MMP16: variants seen among roughly 807,000 people sequenced by gnomAD.
MMP16 encodes the protein matrix metalloproteinase-16.
A neutral mutation model predicts 67.8 loss-of-function variants in MMP16; 12 were observed. The observed-to-expected ratio is 0.18, with a 90% confidence interval of 0.11 to 0.29. MMP16 has a LOEUF of 0.29. MMP16 is among the 10% of genes least tolerant of loss of function. The pLI is 1.00. For synonymous variants in MMP16, 249 were observed against 255.9 expected, an observed-to-expected ratio of 0.97 and a Z score of 0.26; for missense variants, 475 against 765.7, an observed-to-expected ratio of 0.62 and a Z score of 4.48.
At chr8:88,266,046 C>T (rs1810471913) in intron 1 of MMP16, among the ~76,000 whole-genome samples, 1 of 152,202 alleles carries the variant, frequency 6.6e-6, no homozygotes, top group Non-Finnish European at 1.5e-5. Context: ...ACACCACTGG[C>T]ATTCTGCAAG....
At chr8:88,143,487 T>C (rs1808244811) in intron 4 of MMP16, among the ~76,000 whole-genome samples, 1 of 152,126 alleles carries the variant, frequency 6.6e-6, no homozygotes, top group African/African-American at 2.4e-5. Flanking sequence ...ATCTATTCTG[T>C]CTAAAAGTTT....
chr8:88,259,705 T>G (rs1810357647), intron 1 of MMP16, among the ~76,000 whole-genome samples: 1 of 152,182 alleles, frequency 6.6e-6, no homozygotes. Context: ...AACGGAACAC[T>G]GATTCCATTA....
rs567910253 is a variant in MMP16, at chr8:88,111,265, T to C, written c.1083+5242A>G. 1.8e-4 allele frequency among the ~76,000 whole-genome samples: 27 copies of C among 151,866 alleles called. 1 individual carries two copies. In the South Asian group the frequency reaches 5.4e-3, roughly 30 times the overall value. ...TGCCAAAATATATATAATCCATAGT[T>C]AACGTTTTTGAAATTCTACACATAT... On this transcript the variant is annotated intron_variant, in intron 6 of 9. Transcript: ENST00000286614.
At chr8:88,150,887 TA>T (rs1468944745) in intron 4 of MMP16, among the ~76,000 whole-genome samples, 2 of 142,818 alleles carry the variant, frequency 1.4e-5, no homozygotes, top group Non-Finnish European at 3.1e-5. Flanking sequence ...GTAAATGGAC[TA>T]AATGCTCCAA....
At chr8:88,288,596 A>G (rs1371359329) in intron 1 of MMP16, among the ~76,000 whole-genome samples, 1 of 152,212 alleles carries the variant, frequency 6.6e-6, no homozygotes, top group African/African-American at 2.4e-5. Context: ...AACAGTAAAG[A>G]GTCCATTTTT....
At chr8:88,125,128 T>C (rs1807905327) in intron 4 of MMP16, among the ~76,000 whole-genome samples, 1 of 151,388 alleles carries the variant, frequency 6.6e-6, no homozygotes, top group East Asian at 2.0e-4. Flanking sequence ...ATTTGGCTGC[T>C]CAAAGAGCTT....
Position 88,149,133 on chromosome 8 carries a change from G to A in MMP16, c.709+18536C>T, listed in dbSNP as rs1007092118. On this transcript the variant is annotated intron_variant, in intron 4 of 9. Coordinates refer to ENST00000286614, the MANE Select transcript of MMP16 (RefSeq NM_005941.5). ...CTGGAAAATCGGGTCACTCCCACCC[G>A]AATATTGCGCTTTTCAGACGGGCTT... Among the ~76,000 whole-genome samples, 6 of 152,158 alleles carry A rather than the reference G, an allele frequency of 3.9e-5. No homozygotes were observed. In the South Asian group the frequency reaches 6.2e-4, roughly 16 times the overall value.
chr8:88,208,647 G>A (rs1300370926), intron 1 of MMP16, among the ~76,000 whole-genome samples: 1 of 152,060 alleles, frequency 6.6e-6, no homozygotes, highest in Non-Finnish European at 1.5e-5. Flanking sequence ...AATCATGAGA[G>A]TCTAGAAGAA....
chr8:88,285,965 T>C (rs1810824016), intron 1 of MMP16, among the ~76,000 whole-genome samples: 1 of 152,166 alleles, frequency 6.6e-6, no homozygotes, highest in Non-Finnish European at 1.5e-5. Flanking sequence ...TCATATCCCA[T>C]GGTACTTTCT....
chr8:88,142,072 T>A (rs1808220751), intron 4 of MMP16, among the ~76,000 whole-genome samples: 1 of 144,894 alleles, frequency 6.9e-6, no homozygotes, highest in African/African-American at 2.6e-5. Flanking sequence ...GCACAGCTAA[T>A]TTTTTTTTTT....
intron 6 of MMP16, among the ~76,000 whole-genome samples, chr8:88,100,461 A>G (rs1487255271): frequency 6.6e-6 from 1 of 152,028 alleles, no homozygotes; most frequent in Non-Finnish European, 1.5e-5. Flanking sequence ...GGCGATCATT[A>G]AAAAGTCAGG....
chr8:88,212,830 G>A (rs1451557775), intron 1 of MMP16, among the ~76,000 whole-genome samples: 2 of 152,076 alleles, frequency 1.3e-5, no homozygotes, highest in Admixed American at 6.6e-5. Flanking sequence ...GAAAACACAC[G>A]TGCATACACA....
At chr8:88,193,749 A>T (rs1335673637) in intron 2 of MMP16, among the ~76,000 whole-genome samples, 1 of 152,050 alleles carries the variant, frequency 6.6e-6, no homozygotes, top group Non-Finnish European at 1.5e-5. Context: ...AAAATAATTT[A>T]AAAAAGAAAT....
intron 4 of MMP16, among the ~76,000 whole-genome samples, chr8:88,135,129 G>A (rs974673075): frequency 1.3e-5 from 2 of 151,512 alleles, no homozygotes; most frequent in Non-Finnish European, 3.0e-5. Flanking sequence ...CCTAATCAAA[G>A]TTTATTTCAG....
In MMP16 at chr8:88,309,949, C is replaced by T. The variant is rs185755859; in HGVS notation, c.132+17126G>A. Among the ~76,000 whole-genome samples the T allele has an allele frequency of 3.3e-5, 5 of 152,156 alleles. No homozygotes were observed. The East Asian group carries it at 9.6e-4, about 29-fold the overall frequency. Reference sequence around the variant, plus strand: ...TCTTCAAGTTTTACATGCTAATGGACACAGCCACTGACAGTGTATGCACCT... The same window carrying T: ...TCTTCAAGTTTTACATGCTAATGGATACAGCCACTGACAGTGTATGCACCT... On this transcript the variant is annotated intron_variant, in intron 1 of 9. Transcript: ENST00000286614.
chr8:88,272,638 T>C (rs958936997), intron 1 of MMP16, among the ~76,000 whole-genome samples: 1 of 152,194 alleles, frequency 6.6e-6, no homozygotes, highest in Admixed American at 6.5e-5. Context: ...CTAGGGTAGA[T>C]AATATTTGTG....
intron 4 of MMP16, among the ~76,000 whole-genome samples, chr8:88,135,715 C>CA (rs986293230): frequency 1.1e-4 from 17 of 151,620 alleles, no homozygotes; most frequent in Non-Finnish European, 1.0e-4. Context: ...CAAACACAAA[C>CA]AAAAAAATCC....
In MMP16 at chr8:88,268,843, T is replaced by G. The variant is rs190135983; in HGVS notation, c.132+58232A>C. On this transcript the variant is annotated intron_variant, in intron 1 of 9. Transcript: ENST00000286614. ...GTTATTGTTCTTTTTTTTTTAACTT[T>G]CTATTCACTCTTCTTCCATTCTCTC... Among the ~76,000 whole-genome samples, 673 of 152,146 alleles carry G rather than the reference T, an allele frequency of 4.4e-3. 6 individuals are homozygous for G. Among genetic ancestry groups the G allele is most frequent in the Non-Finnish European group, 4.9e-3 (330 of 68,014 alleles).
At chr8:88,291,199 C>T (rs1417030209) in intron 1 of MMP16, among the ~76,000 whole-genome samples, 1 of 151,890 alleles carries the variant, frequency 6.6e-6, no homozygotes, top group Admixed American at 6.6e-5. Flanking sequence ...GAGGATCAAC[C>T]CAACCCAGTA....
Sources: gnomAD v4.1 joint callset for allele counts (sites outside exome capture counted in the v4.1 genomes callset) on GRCh38, gnomAD v4.1.1 for gene constraint, MANE v1.5 for transcripts, NCBI Gene and HGNC (gene_info 2026-07-23, HGNC 2026-07-21) for gene names.